Variants in KCNG2 observed in about 807,000 individuals in gnomAD.
The protein encoded by KCNG2 is voltage-gated potassium channel regulatory subunit KCNG2.
In KCNG2, 7 loss-of-function variants were observed where a neutral mutation model predicts 12.3. That is an observed-to-expected ratio of 0.57 (90% CI 0.32 to 1.07). The LOEUF (loss-of-function observed/expected upper bound fraction) is 1.07. Ranked by LOEUF, KCNG2 falls within the 50% of genes least tolerant of loss-of-function variation. The pLI, the probability that KCNG2 is intolerant of heterozygous loss-of-function variation, is 0.04. For missense variants in KCNG2, 703 were observed against 726.0 expected (o/e 0.97, Z 0.36); for synonymous variants, 414 against 351.4 (o/e 1.18, Z -1.99).
At chr18:79,888,561 C>T (rs1014121521) in intron 3 of KCNG2, among the ~76,000 whole-genome samples, 8 of 152,092 alleles carry the variant, frequency 5.3e-5, no homozygotes, top group Non-Finnish European at 1.2e-4. Context: ...GCTGGGACGG[C>T]GGCGTCCTCC....
At chr18:79,861,201 T>C (rs1979204372) in intron 2 of KCNG2, among the ~76,000 whole-genome samples, 1 of 152,140 alleles carries the variant, frequency 6.6e-6, no homozygotes, top group African/African-American at 2.4e-5. Flanking sequence ...TATAATCCTT[T>C]TAATATGAAG....
At chr18:79,807,601 C>G (rs8083903) in intron 1 of KCNG2, among the ~76,000 whole-genome samples, 57,570 of 152,150 alleles carry the variant, frequency 0.38, 12,954 homozygotes, top group Non-Finnish European at 0.51. Context: ...TCTTAATGCT[C>G]TCACGCCTGG....
chr18:79,809,399 G>A (rs559543094), intron 1 of KCNG2, among the ~76,000 whole-genome samples: 33 of 146,480 alleles, frequency 2.3e-4, no homozygotes, highest in African/African-American at 7.4e-4. Context: ...AGGAGCTGCC[G>A]GGGACACACT....
At chr18:79,827,938 T>G (rs1287782483) in intron 1 of KCNG2, among the ~76,000 whole-genome samples, 1 of 151,582 alleles carries the variant, frequency 6.6e-6, no homozygotes, top group Non-Finnish European at 1.5e-5. Flanking sequence ...TTTTTTTTTT[T>G]TTTGAGATGT....
chr18:79,860,617 T>A (rs1979175653), intron 2 of KCNG2, among the ~76,000 whole-genome samples: 1 of 152,210 alleles, frequency 6.6e-6, no homozygotes, highest in East Asian at 1.9e-4. Context: ...TGATTTTTTT[T>A]ACCGATCTCA....
At position 79,864,177 on chromosome 18, in the gene KCNG2, G is replaced by A. The variant is rs1392219292; in HGVS notation, c.510G>A (p.Pro170=). 3.3e-6 allele frequency: 5 copies of A among 1,515,552 alleles called. No individual in the cohort carries two copies. In the South Asian group the frequency reaches 3.5e-5, roughly 11 times the overall value. The allele number at this position is 1,515,552 out of a possible 1,614,324, so 93.9% of individuals were successfully genotyped here. The change falls in exon 3 of 4, where the codon CCG becomes CCA. Residue 170 remains proline (P), a synonymous_variant. Transcript: ENST00000316249. ...RRRLRDVVDN[P]HSGLAGKLFA... The stretch of plus-strand genomic sequence containing the variant: ...GCCTGCGCGACGTGGTGGACAACCC[G>A]CACTCGGGGCTGGCGGGCAAGCTCT...
At chr18:79,837,011 A>C (rs1441053065) in intron 1 of KCNG2, among the ~76,000 whole-genome samples, 3 of 152,220 alleles carry the variant, frequency 2.0e-5, no homozygotes, top group Non-Finnish European at 2.9e-5. Context: ...TCCAAGTGCA[A>C]AGTCTCAACT....
At chr18:79,832,335 A>C in intron 1 of KCNG2, among the ~76,000 whole-genome samples, 1 of 137,582 alleles carries the variant, frequency 7.3e-6, no homozygotes, top group Non-Finnish European at 1.6e-5. Context: ...TCACCTGCCC[A>C]TCCTTACCTG....
At position 79,864,201 on chromosome 18, in the gene KCNG2, C is replaced by T; in HGVS notation, c.534C>T (p.Leu178=). ...DNPHSGLAGK[L]FACVSVSFVA... ...CGCACTCGGGGCTGGCGGGCAAGCT[C>T]TTCGCCTGCGTGTCCGTGTCCTTCG... is the stretch of plus-strand genomic sequence containing the variant. The change falls in exon 3 of 4, where the codon CTC becomes CTT. Residue 178 remains leucine, a synonymous_variant. Transcript: ENST00000316249. The T allele has an allele frequency of 6.5e-7, 1 of 1,538,842 alleles. No individual in the cohort carries two copies. Among genetic ancestry groups the T allele is most frequent in the Non-Finnish European group, 8.7e-7 (1 of 1,147,278 alleles).
chr18:79,869,823 G>A (rs1363733679), intron 3 of KCNG2, among the ~76,000 whole-genome samples: 6 of 152,264 alleles, frequency 3.9e-5, no homozygotes, highest in Admixed American at 3.3e-4. Context: ...CCCCAACCTC[G>A]CCATCTTTCC....
At chr18:79,838,495 C>T (rs1334847607) in intron 1 of KCNG2, among the ~76,000 whole-genome samples, 10 of 151,584 alleles carry the variant, frequency 6.6e-5, no homozygotes, top group African/African-American at 2.2e-4. Flanking sequence ...ATTGCAGCCT[C>T]GACCTCCTGG....
Position 79,869,893 on chromosome 18 carries a change from G to A in KCNG2, c.624+5602G>A, listed in dbSNP as rs562730919. ...ACCTCAGCCGCCGCCACCACCACGCGGGACGGCCCGCAGCCGTGGCATGGA... is the reference window on the plus strand; with the variant it reads ...ACCTCAGCCGCCGCCACCACCACGCAGGACGGCCCGCAGCCGTGGCATGGA... On this transcript the variant is annotated intron_variant, in intron 3 of 3. Coordinates refer to ENST00000316249, the MANE Select transcript of KCNG2 (RefSeq NM_012283.2). Among the ~76,000 whole-genome samples, 5 of 152,350 alleles carry A rather than the reference G, an allele frequency of 3.3e-5. No individual in the cohort carries two copies. In the South Asian group the frequency reaches 6.2e-4, roughly 19 times the overall value.
chr18:79,888,465 G>A (rs1402131265), intron 3 of KCNG2, among the ~76,000 whole-genome samples: 4 of 128,582 alleles, frequency 3.1e-5, no homozygotes, highest in Admixed American at 7.9e-5. Context: ...TCATGAGGCC[G>A]CGGTGGGGCC....
intron 1 of KCNG2, among the ~76,000 whole-genome samples, chr18:79,853,267 G>A (rs1001053310): frequency 6.6e-6 from 1 of 152,212 alleles, no homozygotes; most frequent in Non-Finnish European, 1.5e-5. Flanking sequence ...AAGAAAGAAC[G>A]CAGCAAAGTG....
At chr18:79,880,043 T>G (rs1441569961) in intron 3 of KCNG2, among the ~76,000 whole-genome samples, 2 of 152,162 alleles carry the variant, frequency 1.3e-5, no homozygotes, top group African/African-American at 4.8e-5. Flanking sequence ...TTCTTAACAC[T>G]GTGAACGCGC....
At chr18:79,893,769 G>A (rs1980837276) in intron 3 of KCNG2, among the ~76,000 whole-genome samples, 1 of 151,736 alleles carries the variant, frequency 6.6e-6, no homozygotes, top group African/African-American at 2.4e-5. Context: ...TTTTGATTGG[G>A]TTGTTCCCTC....
intron 1 of KCNG2, among the ~76,000 whole-genome samples, chr18:79,825,107 A>C (rs1454517597): frequency 2.0e-5 from 3 of 152,122 alleles, no homozygotes; most frequent in Non-Finnish European, 4.4e-5. Flanking sequence ...TAGGACAGTC[A>C]GTAGTAACTT....
chr18:79,862,019 A>C (rs923576899), intron 2 of KCNG2, among the ~76,000 whole-genome samples: 4 of 152,164 alleles, frequency 2.6e-5, no homozygotes, highest in African/African-American at 9.7e-5. Flanking sequence ...GATATTCTGT[A>C]TTTGGTGAGA....
chr18:79,858,734 GT>G (rs111839466), intron 2 of KCNG2, among the ~76,000 whole-genome samples: 2,176 of 150,000 alleles, frequency 0.015, 59 homozygotes, highest in African/African-American at 0.047. Context: ...CACTTGTTGG[GT>G]TTTTTTTTTC....
Sources: gnomAD v4.1 joint callset for allele counts (sites outside exome capture counted in the v4.1 genomes callset) on GRCh38, gnomAD v4.1.1 for gene constraint, MANE v1.5 for transcripts, NCBI Gene and HGNC (gene_info 2026-07-23, HGNC 2026-07-21) for gene names.